Variants in WDR7 observed in about 807,000 individuals in gnomAD.
WDR7 encodes the protein WD repeat-containing protein 7.
A neutral mutation model predicts 169.4 loss-of-function variants in WDR7; 46 were observed. The ratio of observed to expected loss-of-function variants is 0.27; its 90% confidence interval spans 0.21 to 0.35. The LOEUF (loss-of-function observed/expected upper bound fraction) is 0.35. Among genes scored for constraint, WDR7 ranks in the 10% least tolerant of loss-of-function variants. WDR7 has a pLI of 1.00. For missense variants in WDR7, 1,534 were observed against 1,859.3 expected (o/e 0.83, Z 3.22); for synonymous variants, 612 against 666.8 (o/e 0.92, Z 1.27).
rs1237086388 is a variant in WDR7, at chr18:56,825,511, AG to A, written c.3304+9369del. Among the ~76,000 whole-genome samples the A allele has an allele frequency of 2.6e-5, 4 of 152,202 alleles. No individual in the cohort carries two copies. In the East Asian group the frequency reaches 5.8e-4, roughly 22 times the overall value. On this transcript the variant is annotated intron_variant, in intron 20 of 27. Coordinates refer to ENST00000254442, the MANE Select transcript of WDR7 (RefSeq NM_015285.3). ...TTCCGTTTTACAGGAGAAGAAAATG[AG>A]GCACAGAATGGTAAAGTTACTTGCC...
intron 20 of WDR7, among the ~76,000 whole-genome samples, chr18:56,876,433 AACT>A (rs1434143478): frequency 1.3e-5 from 2 of 152,214 alleles, no homozygotes; most frequent in Non-Finnish European, 2.9e-5. Context: ...AAAGAGACAT[AACT>A]AGGCTCAAAA....
chr18:56,699,980 TAA>T (rs2025786477), intron 12 of WDR7: 2 of 721,216 alleles, frequency 2.8e-6, no homozygotes, highest in East Asian at 2.6e-4. Context: ...TCTTTTTATC[TAA>T]AAGTCTTTCC....
At chr18:56,819,522 T>C (rs1027876129) in intron 20 of WDR7, among the ~76,000 whole-genome samples, 2 of 152,198 alleles carry the variant, frequency 1.3e-5, no homozygotes, top group Non-Finnish European at 2.9e-5. Flanking sequence ...CCTTTAACCA[T>C]AGGTTTTAAA....
intron 26 of WDR7, among the ~76,000 whole-genome samples, chr18:56,975,557 A>G (rs1383472345): frequency 6.6e-6 from 1 of 152,176 alleles, no homozygotes; most frequent in Non-Finnish European, 1.5e-5. Flanking sequence ...ACAAACACCA[A>G]TGCCTGCAGA....
chr18:56,683,692 GAGTT>G (rs2025393064), intron 5 of WDR7, among the ~76,000 whole-genome samples: 1 of 152,184 alleles, frequency 6.6e-6, no homozygotes, highest in African/African-American at 2.4e-5. Flanking sequence ...AGAATGATGA[GAGTT>G]AGTGTGATGC....
intron 20 of WDR7, among the ~76,000 whole-genome samples, chr18:56,869,779 ATACAACCATGTACAATTTTAT>A (rs2045929083): frequency 6.6e-6 from 1 of 152,234 alleles, no homozygotes; most frequent in Non-Finnish European, 1.5e-5. Flanking sequence ...CATGTTGGCC[ATACAACCATGTACAATTTTAT>A]TTTTTTGTAT....
chr18:56,867,849 C>T (rs942493161), intron 20 of WDR7, among the ~76,000 whole-genome samples: 1 of 152,012 alleles, frequency 6.6e-6, no homozygotes, highest in African/African-American at 2.4e-5. Context: ...ATATTTGCAA[C>T]AGAGGCAACT....
At chr18:56,662,497 GTAGTCACCATCTGA>G (rs987243924) in intron 1 of WDR7, among the ~76,000 whole-genome samples, 2 of 152,184 alleles carry the variant, frequency 1.3e-5, no homozygotes, top group Non-Finnish European at 2.9e-5. Flanking sequence ...AAGTAATCTG[GTAGTCACCATCTGA>G]ATCAAATGGT....
At chr18:56,702,453 A>G (rs1277887471) in intron 12 of WDR7, among the ~76,000 whole-genome samples, 1 of 152,242 alleles carries the variant, frequency 6.6e-6, no homozygotes, top group African/African-American at 2.4e-5. Flanking sequence ...CAAACCAGAT[A>G]GATATGATTG....
Position 56,935,831 on chromosome 18 carries a change from C to T in WDR7, c.3757C>T (p.Arg1253Cys), listed in dbSNP as rs372401475. The change falls in exon 23 of 28, where the codon CGC (arginine) becomes TGC (cysteine). Residue 1253 changes from arginine to cysteine, a missense_variant. By Grantham distance (180) the Arg-to-Cys change is radical (BLOSUM62 -3). Transcript: ENST00000254442. ...LPLSPAADSA[R>C]SARHALSLIA... ...TCTGAGCCCAGCAGCTGACTCGGCC[C>T]GCTCTGCGAGGCATGCCCTCTCGCT... is the stretch of plus-strand genomic sequence containing the variant. The T allele has an allele frequency of 3.3e-5, 54 of 1,614,152 alleles. No individual in the cohort carries two copies. The highest frequency in any genetic ancestry group is 8.8e-5 in the South Asian group (8 of 91,088).
At chr18:56,880,365 T>G (rs2046089370) in intron 21 of WDR7, among the ~76,000 whole-genome samples, 200 bp downstream of exon 21, 1 of 152,250 alleles carries the variant, frequency 6.6e-6, no homozygotes, top group Non-Finnish European at 1.5e-5. Flanking sequence ...ACATCGTCTT[T>G]TAAATGCTAT....
intron 12 of WDR7, among the ~76,000 whole-genome samples, chr18:56,705,856 G>C (rs1568148594): frequency 6.6e-6 from 1 of 152,288 alleles, no homozygotes; most frequent in East Asian, 1.9e-4. Context: ...AAATTAGCTG[G>C]GTGTGGTGGC....
chr18:56,908,716 A>G (rs560162026), intron 21 of WDR7, among the ~76,000 whole-genome samples: 3 of 152,274 alleles, frequency 2.0e-5, no homozygotes, highest in African/African-American at 7.2e-5. Context: ...TTCAGAAATG[A>G]GTGAAATACT....
At chr18:56,985,315 T>C (rs1353770150) in intron 26 of WDR7, among the ~76,000 whole-genome samples, 1 of 152,212 alleles carries the variant, frequency 6.6e-6, no homozygotes, top group Non-Finnish European at 1.5e-5. Flanking sequence ...TTTAAAATAA[T>C]AGGCTAAGGA....
chr18:56,735,514 T>C (rs773337641), intron 14 of WDR7, among the ~76,000 whole-genome samples: 1 of 151,930 alleles, frequency 6.6e-6, no homozygotes, highest in Non-Finnish European at 1.5e-5. Context: ...GATGCTGGAG[T>C]GTAGAGCCTG....
At chr18:56,850,946 C>A (rs1354081636) in intron 20 of WDR7, among the ~76,000 whole-genome samples, 1 of 152,156 alleles carries the variant, frequency 6.6e-6, no homozygotes, top group Non-Finnish European at 1.5e-5. Context: ...CTCACTGCTC[C>A]CAAATCTAGT....
At chr18:56,687,865 C>T (rs528692569) in intron 7 of WDR7, among the ~76,000 whole-genome samples, 6 of 152,086 alleles carry the variant, frequency 3.9e-5, no homozygotes, top group South Asian at 4.2e-4. Context: ...TGGGCTCAGG[C>T]GATCCTCCTG....
At chr18:56,882,258 G>A (rs1171437995) in intron 21 of WDR7, among the ~76,000 whole-genome samples, 1 of 152,222 alleles carries the variant, frequency 6.6e-6, no homozygotes, top group South Asian at 2.1e-4. Context: ...CATATGTAGA[G>A]CAGGTCCTTA....
chr18:56,852,739 C>T (rs1451070710), intron 20 of WDR7, among the ~76,000 whole-genome samples: 2 of 152,034 alleles, frequency 1.3e-5, no homozygotes, highest in African/African-American at 4.8e-5. Flanking sequence ...TATATACATA[C>T]ACATATATGG....
Sources: allele counts gnomAD v4.1 joint callset (sites outside exome capture counted in the v4.1 genomes callset), GRCh38; gene constraint gnomAD v4.1.1; transcripts MANE v1.5; gene names NCBI Gene and HGNC (gene_info 2026-07-23, HGNC 2026-07-21).